WRN: variants seen among roughly 807,000 people sequenced by gnomAD.
WRN encodes WRN RecQ like helicase, also known as bifunctional 3'-5' exonuclease/ATP-dependent helicase WRN.
A neutral mutation model predicts 180.7 loss-of-function variants in WRN; 149 were observed. The observed-to-expected ratio is 0.82, with a 90% CI of 0.72 to 0.94. WRN has a LOEUF of 0.94. Among genes scored for constraint, WRN ranks in the 40% least tolerant of loss-of-function variants. The pLI, the probability that WRN is intolerant of heterozygous loss-of-function variation, is 0.00. For missense variants in WRN, 1,661 were observed against 1,700.1 expected (o/e 0.98, Z 0.40); for synonymous variants, 548 against 568.9 (o/e 0.96, Z 0.52).
intron 15 of WRN, 63 bp downstream of exon 15, chr8:31,091,005 G>T: frequency 8.4e-7 from 1 of 1,190,618 alleles, no homozygotes. Flanking sequence ...TGAAACATCT[G>T]ATCCATCATG....
chr8:31,159,189 A>G (rs1223087471), intron 33 of WRN, among the ~76,000 whole-genome samples: 1 of 152,008 alleles, frequency 6.6e-6, no homozygotes, highest in Non-Finnish European at 1.5e-5. Flanking sequence ...AGTCTCAGCT[A>G]CTTGGGAGTC....
chr8:31,135,461 T>G (rs1425537113), intron 24 of WRN, among the ~76,000 whole-genome samples: 7 of 152,180 alleles, frequency 4.6e-5, no homozygotes. Context: ...CAAAGCTAAA[T>G]TAGATGAGAC....
At chr8:31,112,404 G>A (rs1397464225) in intron 19 of WRN, among the ~76,000 whole-genome samples, 1 of 152,112 alleles carries the variant, frequency 6.6e-6, no homozygotes. Context: ...AAGGACTATT[G>A]TAGGCGCTTT....
In WRN at chr8:31,080,893, C is replaced by T; in HGVS notation, c.866C>T (p.Ser289Leu). 1.2e-6 allele frequency: 2 copies of T among 1,607,500 alleles called. No homozygotes were observed. The highest frequency in any genetic ancestry group is 1.7e-6 in the Non-Finnish European group (2 of 1,178,306). Residue 289 changes from serine to leucine, a missense_variant, in exon 9 of 35, where the codon TCA (serine) becomes TTA (leucine). This residue lies in a region of WRN where 500 missense variants were observed against 504.1 expected (regional missense o/e 0.99). Transcript: ENST00000298139. ...RRVSILLKDISENLYSLRRMI... is the reference protein window; with the variant it reads ...RRVSILLKDILENLYSLRRMI... Reference sequence around the variant, plus strand: ...GTTTCTATCTTACTAAAGGATATTTCAGAAAATCTATATTCACTGAGGAGG... The same window carrying T: ...GTTTCTATCTTACTAAAGGATATTTTAGAAAATCTATATTCACTGAGGAGG...
At chr8:31,129,423 T>C (rs1449199585) in intron 23 of WRN, among the ~76,000 whole-genome samples, 1 of 152,236 alleles carries the variant, frequency 6.6e-6, no homozygotes, top group Non-Finnish European at 1.5e-5. Context: ...TGGTCCTTTA[T>C]AGAAAGTGTT....
At chr8:31,092,439 T>TG (rs1813783217) in intron 16 of WRN, among the ~76,000 whole-genome samples, 3 of 146,732 alleles carry the variant, frequency 2.0e-5, no homozygotes, top group Non-Finnish European at 4.5e-5. Flanking sequence ...CACACCCATT[T>TG]TGTGTGTGTG....
intron 19 of WRN, among the ~76,000 whole-genome samples, chr8:31,112,549 TAAG>T (rs11574295): frequency 0.026 from 3,993 of 152,248 alleles, 165 homozygotes; most frequent in African/African-American, 0.087. Context: ...ATATATATGT[TAAG>T]AAGTTTTCAA....
chr8:31,157,532 T>A lies in WRN; in HGVS notation c.3982+2T>A. ...TCCGAAACCCTCCCGTCAACTCAGG[T>A]GAGAGGCATGGCCTAGCTCTGCACC... On this transcript the variant is annotated splice_donor_variant, in intron 33 of 34. Transcript: ENST00000298139. LOFTEE classifies it high-confidence loss of function. 1 of 1,614,080 alleles carries A rather than the reference T, an allele frequency of 6.2e-7. No homozygotes were observed. The highest frequency in any genetic ancestry group is 8.5e-7 in the Non-Finnish European group (1 of 1,179,986).
chr8:31,044,119 G>T (rs1811759076), intron 1 of WRN, among the ~76,000 whole-genome samples: 1 of 151,496 alleles, frequency 6.6e-6, no homozygotes, highest in Middle Eastern at 3.2e-3. Context: ...TCGGCTCACT[G>T]CAAGCTCCGC....
chr8:31,051,193 A>G (rs1980418), intron 1 of WRN, among the ~76,000 whole-genome samples: 76,114 of 151,792 alleles, frequency 0.5, 20,489 homozygotes, highest in Middle Eastern at 0.61. Flanking sequence ...TTACCTAGTT[A>G]GAGGTTTTAT....
In WRN at chr8:31,120,429, A is replaced by C. The variant is rs773710561; in HGVS notation, c.2630+5A>C. On this transcript the variant is annotated splice_donor_5th_base_variant and intron_variant, in intron 21 of 34. Coordinates refer to ENST00000298139, the MANE Select transcript of WRN (RefSeq NM_000553.6). ...TGCAGACATTAACTTAAATAGGTAA[A>C]AAAAATTTATTGTTTTTACTCTTGC... The C allele has an allele frequency of 1.2e-6, 2 of 1,611,050 alleles. No individual in the cohort carries two copies.
Position 31,096,804 on chromosome 8 carries a change from C to T in WRN, c.1935C>T (p.Tyr645=). Residue 645 remains tyrosine (Y), a synonymous_variant, in exon 17 of 35, where the codon TAC becomes TAT. Coordinates refer to ENST00000298139, the MANE Select transcript of WRN (RefSeq NM_000553.6). ...KYRIVYVTPE[Y]CSGNMGLLQQ... ...GGATTGTATACGTAACTCCAGAATA[C>T]TGTTCAGGTAACATGGGCCTGCTCC... 6.2e-7 allele frequency: 1 copy of T among 1,607,982 alleles called. No individual in the cohort carries two copies. Among genetic ancestry groups the T allele is most frequent in the Non-Finnish European group, 8.5e-7 (1 of 1,177,152 alleles).
chr8:31,064,285 T>G lies in WRN; in HGVS notation c.210-4T>G. The G allele has an allele frequency of 6.2e-7, 1 of 1,614,048 alleles. No individual in the cohort carries two copies. On this transcript the variant is annotated splice_region_variant and splice_polypyrimidine_tract_variant and intron_variant, in intron 3 of 34. Coordinates refer to ENST00000298139, the MANE Select transcript of WRN (RefSeq NM_000553.6). ...ATTAATTTACACTATTTTTCTCACT[T>G]TAGCATGAGTCTATCAGATGGGGAT...
At position 31,100,858 on chromosome 8, in the gene WRN, T is replaced by C. The variant is rs1190868392; in HGVS notation, c.1991T>C (p.Leu664Pro). 6.2e-7 allele frequency: 1 copy of C among 1,613,872 alleles called. No individual in the cohort carries two copies. The change falls in exon 18 of 35, where the codon CTC (leucine) becomes CCC (proline). Residue 664 changes from leucine (L) to proline (P), a missense_variant. By Grantham distance (98) the Leu-to-Pro change is moderately conservative (BLOSUM62 -3). Coordinates refer to ENST00000298139, the MANE Select transcript of WRN (RefSeq NM_000553.6). Reference protein sequence around the residue: ...QQLEADIGITLIAVDEAHCIS... With the variant: ...QQLEADIGITPIAVDEAHCIS... ...TTTTCTTTTTTTACAGGTATCACGC[T>C]CATTGCTGTGGATGAGGCTCACTGT... is the stretch of plus-strand genomic sequence containing the variant.
At chr8:31,112,736 G>A (rs182454077) in intron 19 of WRN, among the ~76,000 whole-genome samples, 5 of 151,810 alleles carry the variant, frequency 3.3e-5, no homozygotes, top group Admixed American at 1.3e-4. Flanking sequence ...ACAGGTGTGC[G>A]CCACCATGCC....
At chr8:31,089,527 T>C (rs774505313) in intron 13 of WRN, among the ~76,000 whole-genome samples, 8 of 152,022 alleles carry the variant, frequency 5.3e-5, no homozygotes, top group Non-Finnish European at 1.2e-4. Context: ...ATTTAAAATA[T>C]AATCCACTGA....
At chr8:31,040,585 G>A (rs142840983) in intron 1 of WRN, among the ~76,000 whole-genome samples, 5 of 152,330 alleles carry the variant, frequency 3.3e-5, no homozygotes, top group African/African-American at 9.6e-5. Flanking sequence ...GTGATTAATT[G>A]TGTCACTTAC....
chr8:31,049,511 CAAA>C (rs754805498), intron 1 of WRN, among the ~76,000 whole-genome samples: 10 of 78,776 alleles, frequency 1.3e-4, no homozygotes, highest in Non-Finnish European at 1.1e-4. Flanking sequence ...GACTCTGTCT[CAAA>C]AAAAAAAAAA....
intron 18 of WRN, among the ~76,000 whole-genome samples, chr8:31,101,787 C>CAAA (rs60342321): frequency 1.3e-3 from 55 of 41,878 alleles, no homozygotes; most frequent in Middle Eastern, 0.022. Context: ...AACTCTGTCT[C>CAAA]AAAAAAAAAA....
Sources: allele counts gnomAD v4.1 joint callset (sites outside exome capture counted in the v4.1 genomes callset), GRCh38; gene constraint gnomAD v4.1.1; regional missense constraint gnomAD v4.1.1; transcripts MANE v1.5; gene names NCBI Gene and HGNC (gene_info 2026-07-23, HGNC 2026-07-21).